The following APBB2 variants were observed in gnomAD, a reference collection of about 807,000 sequenced individuals.
APBB2 encodes the protein amyloid beta precursor protein binding family B member 2, also known as Fe65-like 1.
APBB2 carries 38 observed loss-of-function variants against 82.5 expected under a neutral mutation model. The observed-to-expected ratio is 0.46, with a 90% CI of 0.36 to 0.60. APBB2 has a LOEUF of 0.60. APBB2 is among the 20% of genes least tolerant of loss of function. APBB2 has a pLI of 0.00. For synonymous variants in APBB2, 341 were observed against 368.2 expected, an observed-to-expected ratio of 0.93 and a Z score of 0.85; for missense variants, 772 against 972.3, an observed-to-expected ratio of 0.79 and a Z score of 2.74.
chr4:40,883,226 G>A (rs1212961747), intron 12 of APBB2, among the ~76,000 whole-genome samples: 4 of 141,600 alleles, frequency 2.8e-5, no homozygotes, highest in Non-Finnish European at 6.4e-5. Flanking sequence ...GAAGGCTGAG[G>A]TGAGAAGATC....
chr4:41,085,447 T>C (rs946446607), intron 3 of APBB2, among the ~76,000 whole-genome samples: 7 of 152,180 alleles, frequency 4.6e-5, no homozygotes, highest in African/African-American at 1.4e-4. Context: ...CCACTGGTCC[T>C]CTAAGCTTTC....
intron 12 of APBB2, among the ~76,000 whole-genome samples, chr4:40,877,218 T>C (rs943711646): frequency 6.6e-6 from 1 of 152,236 alleles, no homozygotes; most frequent in Non-Finnish European, 1.5e-5. Context: ...ACGTGGAGTA[T>C]AACAGATTTG....
chr4:41,132,956 G>A (rs1260051029), intron 2 of APBB2, among the ~76,000 whole-genome samples: 1 of 151,838 alleles, frequency 6.6e-6, no homozygotes, highest in Non-Finnish European at 1.5e-5. Context: ...AGTGAACATA[G>A]TTAGAAAATT....
chr4:40,963,218 C>T (rs997571846), intron 6 of APBB2, among the ~76,000 whole-genome samples: 3 of 152,242 alleles, frequency 2.0e-5, no homozygotes, highest in Middle Eastern at 3.4e-3. Context: ...CCTCCTCAAA[C>T]TCATTCCATT....
chr4:41,109,555 C>T (rs1034529449), intron 2 of APBB2, among the ~76,000 whole-genome samples: 10 of 152,172 alleles, frequency 6.6e-5, no homozygotes, highest in Non-Finnish European at 1.5e-4. Context: ...ACTGCAACCT[C>T]CGCCTCCTAG....
intron 12 of APBB2, among the ~76,000 whole-genome samples, chr4:40,866,401 T>C (rs1189391240): frequency 2.0e-5 from 3 of 152,126 alleles, no homozygotes; most frequent in African/African-American, 7.2e-5. Context: ...AGCAGGAGCT[T>C]ACCCGATGAT....
chr4:41,173,880 A>C (rs1769020284), intron 1 of APBB2, among the ~76,000 whole-genome samples: 1 of 152,326 alleles, frequency 6.6e-6, no homozygotes, highest in South Asian at 2.1e-4. Context: ...GTGATGCATG[A>C]CTGTATAAGT....
intron 3 of APBB2, among the ~76,000 whole-genome samples, chr4:41,068,505 G>A (rs1439100256): frequency 1.3e-5 from 2 of 152,112 alleles, no homozygotes; most frequent in East Asian, 1.9e-4. Context: ...AATGGTCTGA[G>A]GACATGGATC....
At chr4:41,175,855 A>C (rs985589373) in intron 1 of APBB2, among the ~76,000 whole-genome samples, 10 of 152,212 alleles carry the variant, frequency 6.6e-5, no homozygotes, top group Non-Finnish European at 1.2e-4. Context: ...TTCTACACTC[A>C]AGATATTCAC....
chr4:41,027,764 A>C (rs565252542), intron 5 of APBB2, among the ~76,000 whole-genome samples: 1 of 152,230 alleles, frequency 6.6e-6, no homozygotes, highest in Non-Finnish European at 1.5e-5. Context: ...AGCAAAACTA[A>C]ATGAGGAATG....
intron 2 of APBB2, among the ~76,000 whole-genome samples, chr4:41,125,565 T>A (rs1038079041): frequency 4.6e-5 from 7 of 152,306 alleles, no homozygotes; most frequent in African/African-American, 1.4e-4. Context: ...ACCTAATTAA[T>A]CACAGACTCC....
chr4:40,887,764 A>G (rs1770743001), intron 12 of APBB2, among the ~76,000 whole-genome samples: 1 of 152,120 alleles, frequency 6.6e-6, no homozygotes, highest in African/African-American at 2.4e-5. Context: ...GAACCCTCCC[A>G]TGATCTCGCT....
At chr4:41,006,203 A>G (rs1008569460) in intron 6 of APBB2, among the ~76,000 whole-genome samples, 2 of 152,358 alleles carry the variant, frequency 1.3e-5, no homozygotes, top group Middle Eastern at 3.4e-3. Flanking sequence ...AATAAAAAAT[A>G]CTTTTATGCA....
chr4:40,949,152 C>T (rs1011034495), intron 6 of APBB2, among the ~76,000 whole-genome samples: 7 of 152,012 alleles, frequency 4.6e-5, no homozygotes, highest in Non-Finnish European at 8.8e-5. Flanking sequence ...CACCTGTGAT[C>T]CCAGCTACTC....
chr4:40,893,789 C>G (rs1246068591), intron 10 of APBB2, among the ~76,000 whole-genome samples: 1 of 152,008 alleles, frequency 6.6e-6, no homozygotes, highest in Non-Finnish European at 1.5e-5. Context: ...GCCTGGCCAA[C>G]ATGGCGAAAC....
chr4:41,098,623 G>A (rs1744349830), intron 3 of APBB2, among the ~76,000 whole-genome samples: 1 of 152,096 alleles, frequency 6.6e-6, no homozygotes, highest in Non-Finnish European at 1.5e-5. Context: ...TTACAACAAT[G>A]CTACAATGTA....
intron 4 of APBB2, 105 bp downstream of exon 4, chr4:41,065,471 T>C (rs527771781): frequency 6.6e-6 from 1 of 152,338 alleles, no homozygotes; most frequent in East Asian, 1.9e-4. Flanking sequence ...TTTCTAAACA[T>C]CCTTATTTAA....
In APBB2 at chr4:41,030,902, G is replaced by T. The variant is rs531504727; in HGVS notation, c.19+2334C>A. Among the ~76,000 whole-genome samples the T allele has an allele frequency of 2.0e-5, 3 of 152,186 alleles. No homozygotes were observed. In the South Asian group the frequency reaches 6.2e-4, roughly 32 times the overall value. On this transcript the variant is annotated intron_variant, in intron 5 of 17. Transcript: ENST00000508593. ...GAGCTGAATCGTGAAGGGCCAATAG[G>T]AGTTTCAGAGGCAGACAATGGTATA...
intron 5 of APBB2, among the ~76,000 whole-genome samples, chr4:41,031,234 TTAAATAAATAAA>T (rs144245631): frequency 9.2e-5 from 14 of 151,372 alleles, no homozygotes; most frequent in Admixed American, 4.6e-4. Flanking sequence ...CAAAAAAAAT[TTAAATAAATAAA>T]TAAATAAATA....
Sources: gnomAD v4.1 joint callset for allele counts (sites outside exome capture counted in the v4.1 genomes callset) on GRCh38, gnomAD v4.1.1 for gene constraint, MANE v1.5 for transcripts, NCBI Gene and HGNC (gene_info 2026-07-23, HGNC 2026-07-21) for gene names.